Variants in STK32B observed in about 807,000 individuals in gnomAD.
STK32B encodes the protein serine/threonine kinase 32B.
A neutral mutation model predicts 52.6 loss-of-function variants in STK32B; 43 were observed. The ratio of observed to expected loss-of-function variants is 0.82; its 90% CI spans 0.64 to 1.05. The LOEUF (loss-of-function observed/expected upper bound fraction) is 1.05. Among genes scored for constraint, STK32B ranks in the 50% least tolerant of loss-of-function variants. The pLI is 0.00. For missense variants in STK32B, 621 were observed against 534.6 expected (o/e 1.16, Z -1.59); for synonymous variants, 238 against 204.3 (o/e 1.17, Z -1.41).
chr4:5,457,841 C>T (rs1156377688), intron 8 of STK32B, among the ~76,000 whole-genome samples: 1 of 145,886 alleles, frequency 6.9e-6, no homozygotes, highest in Non-Finnish European at 1.5e-5. Context: ...CATTGCACTC[C>T]AGCCTGGGCA....
At chr4:5,065,392 T>A (rs1339750660) in intron 1 of STK32B, among the ~76,000 whole-genome samples, 1 of 152,158 alleles carries the variant, frequency 6.6e-6, no homozygotes, top group Non-Finnish European at 1.5e-5. Context: ...GTGATTCACA[T>A]GTCTCTGGAG....
chr4:5,253,491 C>T (rs1206537213), intron 3 of STK32B, among the ~76,000 whole-genome samples: 1 of 152,152 alleles, frequency 6.6e-6, no homozygotes, highest in East Asian at 1.9e-4. Flanking sequence ...TCTCCTGCCT[C>T]AGCCTCCGAA....
intron 3 of STK32B, among the ~76,000 whole-genome samples, chr4:5,314,624 C>G (rs1477550437): frequency 6.6e-6 from 1 of 152,132 alleles, no homozygotes; most frequent in African/African-American, 2.4e-5. Context: ...GAGCCGAAAT[C>G]ACGCCATTGC....
intron 3 of STK32B, among the ~76,000 whole-genome samples, chr4:5,216,033 G>A (rs1244373672): frequency 6.6e-6 from 1 of 152,136 alleles, no homozygotes; most frequent in African/African-American, 2.4e-5. Flanking sequence ...TGCTTTTTGT[G>A]GTTGCAGAGT....
At chr4:5,064,480 A>G (rs188664738) in intron 1 of STK32B, among the ~76,000 whole-genome samples, 25 of 76,612 alleles carry the variant, frequency 3.3e-4, no homozygotes, top group Middle Eastern at 0.023. Context: ...ATATAAATAT[A>G]TACTTATGTT....
intron 3 of STK32B, among the ~76,000 whole-genome samples, chr4:5,286,794 CTTTTTTTTT>C (rs60300816): frequency 1.8e-5 from 2 of 113,270 alleles, no homozygotes; most frequent in African/African-American, 8.0e-5. Context: ...TACAGATGTA[CTTTTTTTTT>C]TTTTTTTTTT....
intron 1 of STK32B, among the ~76,000 whole-genome samples, chr4:5,120,194 C>T (rs1714950560): frequency 6.6e-6 from 1 of 152,188 alleles, no homozygotes; most frequent in African/African-American, 2.4e-5. Flanking sequence ...GTAATCTGCT[C>T]CTGACATCTG....
At chr4:5,346,285 A>G (rs780205052) in intron 4 of STK32B, among the ~76,000 whole-genome samples, 3 of 152,172 alleles carry the variant, frequency 2.0e-5, no homozygotes. Flanking sequence ...CTTTTTGACA[A>G]AGGCTCATCG....
At chr4:5,425,123 C>G (rs1041151264) in intron 6 of STK32B, among the ~76,000 whole-genome samples, 3 of 152,256 alleles carry the variant, frequency 2.0e-5, no homozygotes, top group Non-Finnish European at 4.4e-5. Context: ...CTCACACAAC[C>G]CTCATGGCTC....
At chr4:5,437,650 T>C (rs975154791) in intron 6 of STK32B, among the ~76,000 whole-genome samples, 2 of 152,342 alleles carry the variant, frequency 1.3e-5, no homozygotes, top group Non-Finnish European at 2.9e-5. Context: ...TTCGGCCCAC[T>C]ACATCTCCAA....
At chr4:5,445,151 G>A (rs1715271996) in intron 6 of STK32B, among the ~76,000 whole-genome samples, 1 of 152,202 alleles carries the variant, frequency 6.6e-6, no homozygotes, top group African/African-American at 2.4e-5. Flanking sequence ...GAAGAGGAAA[G>A]GAGAGCCCGT....
intron 11 of STK32B, among the ~76,000 whole-genome samples, chr4:5,498,744 G>A (rs923700654): frequency 6.6e-6 from 1 of 152,224 alleles, no homozygotes; most frequent in Non-Finnish European, 1.5e-5. Flanking sequence ...ACTCACCCAA[G>A]TGCACCTGAG....
At chr4:5,332,301 T>G (rs1251578296) in intron 4 of STK32B, among the ~76,000 whole-genome samples, 1 of 151,738 alleles carries the variant, frequency 6.6e-6, no homozygotes, top group African/African-American at 2.4e-5. Flanking sequence ...AGATGTAGAG[T>G]GATCGATGAC....
At chr4:5,081,387 T>G (rs890745158) in intron 1 of STK32B, among the ~76,000 whole-genome samples, 1 of 152,208 alleles carries the variant, frequency 6.6e-6, no homozygotes, top group Non-Finnish European at 1.5e-5. Flanking sequence ...AAGCTTCATG[T>G]ATCTGGATGT....
chr4:5,459,243 G>A (rs1321172750), intron 8 of STK32B, among the ~76,000 whole-genome samples: 3 of 151,934 alleles, frequency 2.0e-5, no homozygotes, highest in African/African-American at 7.3e-5. Flanking sequence ...GAACTGGCAG[G>A]GGGCTCTGAC....
intron 3 of STK32B, among the ~76,000 whole-genome samples, chr4:5,301,137 T>A (rs1481353380): frequency 6.6e-6 from 1 of 152,136 alleles, no homozygotes; most frequent in African/African-American, 2.4e-5. Flanking sequence ...TCCTACTTGC[T>A]CATGATGTAT....
At chr4:5,196,114 C>T (rs957468952) in intron 3 of STK32B, among the ~76,000 whole-genome samples, 2 of 152,102 alleles carry the variant, frequency 1.3e-5, no homozygotes, top group Non-Finnish European at 2.9e-5. Flanking sequence ...CTTTCTCCTC[C>T]ATATGATCAA....
rs1741793232 is a variant in STK32B, at chr4:5,051,791, T to C, written c.-73T>C. ...GGGCGCGCCCCCGGCATCCCGCATC[T>C]CTGCGCGCGTCCCACATCCCGCATC... On this transcript the variant is annotated 5_prime_UTR_variant, in exon 1 of 12. Coordinates refer to ENST00000282908, the MANE Select transcript of STK32B (RefSeq NM_018401.3). The C allele has an allele frequency of 1.3e-6, 2 of 1,547,108 alleles. No homozygotes were observed. Among genetic ancestry groups the C allele is most frequent in the African/African-American group, 2.8e-5 (2 of 72,384 alleles).
At chr4:5,062,233 C>T (rs1003948168) in intron 1 of STK32B, among the ~76,000 whole-genome samples, 3 of 152,290 alleles carry the variant, frequency 2.0e-5, no homozygotes, top group African/African-American at 7.2e-5. Context: ...TTCACTTTCT[C>T]GATGATAACA....
Sources: gnomAD v4.1 joint callset for allele counts (sites outside exome capture counted in the v4.1 genomes callset) on GRCh38, gnomAD v4.1.1 for gene constraint, MANE v1.5 for transcripts, NCBI Gene and HGNC (gene_info 2026-07-23, HGNC 2026-07-21) for gene names.